GPHN: variants seen among roughly 807,000 people sequenced by gnomAD.
GPHN encodes gephyrin.
In GPHN, 17 loss-of-function variants were observed where a neutral mutation model predicts 95.5. The observed-to-expected ratio is 0.18, with a 90% confidence interval of 0.12 to 0.27. GPHN has a LOEUF of 0.27. Ranked by LOEUF, GPHN falls within the 10% of genes least tolerant of loss-of-function variation. The pLI, the probability that GPHN is intolerant of heterozygous loss-of-function variation, is 1.00. For missense variants in GPHN, 660 were observed against 978.1 expected, an observed-to-expected ratio of 0.67 and a Z score of 4.34; for synonymous variants, 320 against 322.5, an observed-to-expected ratio of 0.99 and a Z score of 0.08.
chr14:67,373,591 T>C, the GPHN span, among the ~76,000 whole-genome samples: 19 of 152,240 alleles, frequency 1.2e-4, no homozygotes, highest in Non-Finnish European at 2.6e-4. Context: ...TACTCAGCAT[T>C]GTACTGGAAG....
At chr14:67,309,011 A>G in the GPHN span, among the ~76,000 whole-genome samples, 1 of 152,196 alleles carries the variant, frequency 6.6e-6, no homozygotes, top group Admixed American at 6.5e-5. Flanking sequence ...ATATTAAAAA[A>G]AGGAAAAAGA....
At chr14:67,458,509 C>T in the GPHN span, among the ~76,000 whole-genome samples, 4 of 152,124 alleles carry the variant, frequency 2.6e-5, no homozygotes, top group African/African-American at 9.7e-5. Flanking sequence ...TCTTTCTAAG[C>T]ATTTGTCAGG....
chr14:67,107,951 T>G (rs1019296376), intron 13 of GPHN, among the ~76,000 whole-genome samples: 1 of 152,182 alleles, frequency 6.6e-6, no homozygotes, highest in Non-Finnish European at 1.5e-5. Flanking sequence ...CAGCCTGGGA[T>G]GCGTAGGTGC....
At chr14:67,687,621 G>A in the GPHN span, among the ~76,000 whole-genome samples, 3 of 151,646 alleles carry the variant, frequency 2.0e-5, no homozygotes, top group African/African-American at 4.9e-5. Flanking sequence ...ACAGGCACAC[G>A]CCAACATGCC....
At chr14:66,947,012 C>T (rs1441275165) in intron 8 of GPHN, among the ~76,000 whole-genome samples, 3 of 152,170 alleles carry the variant, frequency 2.0e-5, no homozygotes, top group African/African-American at 7.2e-5. Context: ...TAAATAATGT[C>T]ACTTCTCTAC....
intron 8 of GPHN, among the ~76,000 whole-genome samples, chr14:66,957,227 G>A (rs533792844): frequency 8.5e-4 from 93 of 109,876 alleles, no homozygotes; most frequent in South Asian, 2.6e-3. Flanking sequence ...ATGGGGTCTC[G>A]CTCTGTCTCC....
chr14:67,357,269 T>C, the GPHN span, among the ~76,000 whole-genome samples: 3 of 152,256 alleles, frequency 2.0e-5, no homozygotes, highest in Admixed American at 1.3e-4. Context: ...TTCTAGCCTA[T>C]GGCTTTTAAA....
intron 1 of GPHN, among the ~76,000 whole-genome samples, chr14:66,561,153 A>G (rs965288510): frequency 4.6e-5 from 7 of 152,146 alleles, no homozygotes; most frequent in Non-Finnish European, 8.8e-5. Flanking sequence ...CCAGTATTTT[A>G]TTGAGGATTT....
the GPHN span, among the ~76,000 whole-genome samples, chr14:67,542,327 C>A: frequency 2.0e-5 from 3 of 152,078 alleles, no homozygotes; most frequent in African/African-American, 7.2e-5. Context: ...GACGGTGTTT[C>A]GGGAGAAAAC....
the GPHN span, chr14:67,542,085 A>C: frequency 8.3e-7 from 1 of 1,208,018 alleles, no homozygotes; most frequent in Non-Finnish European, 1.1e-6. Flanking sequence ...CGGAAAGTCA[A>C]CTTTCAGTAA....
chr14:67,484,991 A>C, the GPHN span, among the ~76,000 whole-genome samples: 6 of 152,366 alleles, frequency 3.9e-5, no homozygotes, highest in East Asian at 1.2e-3. Context: ...TAATTTACTT[A>C]ACCTAGATGT....
the GPHN span, among the ~76,000 whole-genome samples, chr14:67,475,490 AT>A: frequency 2.8e-4 from 42 of 152,246 alleles, no homozygotes; most frequent in African/African-American, 9.1e-4. Context: ...TGGCCACACC[AT>A]TTTACATTCC....
In GPHN at chr14:66,617,739, TA is replaced by T. The variant is rs1378602658; in HGVS notation, c.65-63367del. ...TTCATAAATGGATATTGAATTTTAT[TA>T]TTTTTTTAATTATTGAAATTATAGT... On this transcript the variant is annotated intron_variant, in intron 1 of 22. Transcript: ENST00000478722. Among the ~76,000 whole-genome samples, 6 of 152,198 alleles carry T rather than the reference TA, an allele frequency of 3.9e-5. No individual in the cohort carries two copies. The East Asian group carries it at 1.2e-3, about 29-fold the overall frequency.
In GPHN at chr14:67,050,669, A is replaced by G. The variant is rs549313124; in HGVS notation, c.1007-7980A>G. 5.4e-4 allele frequency among the ~76,000 whole-genome samples: 83 copies of G among 152,322 alleles called. 3 individuals are homozygous for G. Among genetic ancestry groups the G allele is most frequent in the African/African-American group, 1.9e-3 (81 of 41,582 alleles). ...CTGCAATTTCCAAACAACAAGAAAA[A>G]AAAACAAGGAGGGGCCAAGATGACC... On this transcript the variant is annotated intron_variant, in intron 10 of 22. Transcript: ENST00000478722.
chr14:67,133,036 A>G (rs973494034), intron 17 of GPHN, among the ~76,000 whole-genome samples: 1 of 152,032 alleles, frequency 6.6e-6, no homozygotes, highest in Non-Finnish European at 1.5e-5. Context: ...ACATGACTCC[A>G]TGGTCCCAGA....
the GPHN span, among the ~76,000 whole-genome samples, chr14:67,393,990 T>C: frequency 4.6e-5 from 7 of 152,206 alleles, no homozygotes; most frequent in African/African-American, 1.7e-4. Flanking sequence ...TGTAAGTCCC[T>C]ATTAAATGCC....
At chr14:67,399,910 T>G in the GPHN span, among the ~76,000 whole-genome samples, 1 of 152,304 alleles carries the variant, frequency 6.6e-6, no homozygotes, top group East Asian at 1.9e-4. Flanking sequence ...AAAAGCACCT[T>G]CCTGGGATAT....
intron 11 of GPHN, among the ~76,000 whole-genome samples, chr14:67,071,668 A>G (rs1488553846): frequency 1.3e-5 from 2 of 152,058 alleles, no homozygotes; most frequent in Non-Finnish European, 2.9e-5. Flanking sequence ...AAAAAAAATC[A>G]GGCCTATAAC....
intron 4 of GPHN, among the ~76,000 whole-genome samples, chr14:66,849,207 A>G (rs1160624278): frequency 6.6e-6 from 1 of 151,934 alleles, no homozygotes; most frequent in Non-Finnish European, 1.5e-5. Flanking sequence ...TCCTTTTCAT[A>G]TAATGTAAGC....
Sources: gnomAD v4.1 joint callset for allele counts (sites outside exome capture counted in the v4.1 genomes callset) on GRCh38, gnomAD v4.1.1 for gene constraint, MANE v1.5 for transcripts, NCBI Gene and HGNC (gene_info 2026-07-23, HGNC 2026-07-21) for gene names.